The following CACNA2D3 variants were observed in gnomAD, a reference collection of about 807,000 sequenced individuals.
CACNA2D3 encodes voltage-dependent calcium channel subunit alpha-2/delta-3.
Under a neutral mutation model 160.6 loss-of-function variants are expected in CACNA2D3, and 60 were observed. That is an observed-to-expected ratio of 0.37 (90% CI 0.30 to 0.46). CACNA2D3 has a LOEUF of 0.46. Ranked by LOEUF, CACNA2D3 falls within the 20% of genes least tolerant of loss-of-function variation. The probability of loss-of-function intolerance (pLI) is 1.00; values close to 1 mark genes in which losing one functional copy is unlikely to be tolerated. For missense variants in CACNA2D3, 1,205 were observed against 1,365.0 expected, an observed-to-expected ratio of 0.88 and a Z score of 1.85; for synonymous variants, 558 against 492.9, an observed-to-expected ratio of 1.13 and a Z score of -1.75.
chr3:54,123,624 G>C (rs1364307494), intron 2 of CACNA2D3, 30 bp downstream of exon 2: 1 of 1,566,484 alleles, frequency 6.4e-7, no homozygotes, highest in African/African-American at 1.4e-5. Flanking sequence ...AGGAAGCGAT[G>C]ATTTTTCCGG....
intron 2 of CACNA2D3, among the ~76,000 whole-genome samples, chr3:54,159,265 C>T (rs943685735): frequency 2.0e-5 from 3 of 152,192 alleles, no homozygotes; most frequent in East Asian, 1.9e-4. Flanking sequence ...CTGATATTAA[C>T]GTGGTCATTT....
chr3:54,501,101 G>A (rs1701287300), intron 4 of CACNA2D3, among the ~76,000 whole-genome samples: 1 of 152,136 alleles, frequency 6.6e-6, no homozygotes, highest in Non-Finnish European at 1.5e-5. Flanking sequence ...GTCAATCCCT[G>A]TTATAAGGAC....
At chr3:54,329,742 A>G (rs533608867) in intron 3 of CACNA2D3, among the ~76,000 whole-genome samples, 3 of 152,272 alleles carry the variant, frequency 2.0e-5, no homozygotes, top group Admixed American at 2.0e-4. Flanking sequence ...GACAGAAGAA[A>G]GCCATAATAA....
At chr3:54,939,805 C>G (rs1182808291) in intron 27 of CACNA2D3, among the ~76,000 whole-genome samples, 1 of 152,208 alleles carries the variant, frequency 6.6e-6, no homozygotes, top group Non-Finnish European at 1.5e-5. Context: ...TTTTGTGGGC[C>G]TGCTCCTGCC....
chr3:54,843,815 A>T (rs1698874334), intron 16 of CACNA2D3, among the ~76,000 whole-genome samples: 3 of 152,218 alleles, frequency 2.0e-5, no homozygotes, highest in African/African-American at 7.2e-5. Context: ...GTAGGATTTC[A>T]TACTACTGAT....
intron 14 of CACNA2D3, among the ~76,000 whole-genome samples, chr3:54,829,136 G>A (rs1703812416): frequency 6.6e-6 from 1 of 152,164 alleles, no homozygotes; most frequent in Admixed American, 6.5e-5. Flanking sequence ...AGCCAAGTAG[G>A]CAGAATCAAT....
chr3:55,020,625 G>A (rs1054277460), intron 35 of CACNA2D3, among the ~76,000 whole-genome samples: 4 of 151,946 alleles, frequency 2.6e-5, no homozygotes, highest in African/African-American at 9.7e-5. Context: ...CAAGGCGGGT[G>A]TATCACCTGA....
chr3:54,530,643 A>G (rs999997511), intron 5 of CACNA2D3, among the ~76,000 whole-genome samples: 4 of 152,158 alleles, frequency 2.6e-5, no homozygotes, highest in Non-Finnish European at 4.4e-5. Flanking sequence ...TAAATATATT[A>G]TCTCCTTCAG....
chr3:54,832,860 T>G (rs1191024545), intron 14 of CACNA2D3, among the ~76,000 whole-genome samples: 1 of 152,142 alleles, frequency 6.6e-6, no homozygotes, highest in African/African-American at 2.4e-5. Context: ...GAGTGTTTAT[T>G]AAGGAAATCA....
intron 11 of CACNA2D3, among the ~76,000 whole-genome samples, chr3:54,672,113 A>G (rs1700173720): frequency 6.6e-6 from 1 of 152,216 alleles, no homozygotes; most frequent in Admixed American, 6.5e-5. Flanking sequence ...GCATGTGAGT[A>G]TCAGGAGACC....
intron 4 of CACNA2D3, among the ~76,000 whole-genome samples, chr3:54,485,207 A>T (rs1287265442): frequency 6.6e-6 from 1 of 152,186 alleles, no homozygotes; most frequent in Non-Finnish European, 1.5e-5. Context: ...AAAAATATGG[A>T]TTTGCCGTAG....
chr3:54,801,845 T>C (rs1474196138), intron 13 of CACNA2D3, among the ~76,000 whole-genome samples: 2 of 152,100 alleles, frequency 1.3e-5, no homozygotes, highest in Non-Finnish European at 2.9e-5. Context: ...AAACTAGAGA[T>C]TGAGAAATCA....
chr3:54,175,613 C>CA (rs1163953295), intron 2 of CACNA2D3, among the ~76,000 whole-genome samples: 7,334 of 90,092 alleles, frequency 0.081, 379 homozygotes, highest in African/African-American at 0.095. Context: ...GACTCTGTCT[C>CA]AAAAAAAAAA....
rs114990794 is a variant in CACNA2D3, at chr3:54,262,119, C to T, written c.205-58323C>T. ...CACTTTAGCACGTTCCCAGAACCCA[C>T]GACAGGCTGTATAATTGCTGGACTG... On this transcript the variant is annotated intron_variant, in intron 2 of 37. Transcript: ENST00000474759. Among the ~76,000 whole-genome samples the T allele has an allele frequency of 3.0e-3, 455 of 152,230 alleles. 1 individual carries two copies. Among genetic ancestry groups the T allele is most frequent in the Non-Finnish European group, 5.6e-3 (380 of 68,020 alleles).
chr3:54,215,441 G>C (rs1444875058), intron 2 of CACNA2D3, among the ~76,000 whole-genome samples: 1 of 152,114 alleles, frequency 6.6e-6, no homozygotes, highest in Non-Finnish European at 1.5e-5. Flanking sequence ...GAATGTGTTC[G>C]TCGTAACTGA....
At chr3:54,582,882 C>T (rs1702700852) in intron 9 of CACNA2D3, among the ~76,000 whole-genome samples, 1 of 152,080 alleles carries the variant, frequency 6.6e-6, no homozygotes, top group African/African-American at 2.4e-5. Context: ...AGTTGGAACA[C>T]AAAGTATAAA....
intron 11 of CACNA2D3, among the ~76,000 whole-genome samples, chr3:54,737,508 C>T (rs896360228): frequency 3.3e-5 from 5 of 152,080 alleles, no homozygotes; most frequent in African/African-American, 1.2e-4. Context: ...TTTTACAAGT[C>T]TAGCCTGGGA....
intron 13 of CACNA2D3, among the ~76,000 whole-genome samples, chr3:54,804,633 A>G (rs1703073289): frequency 6.6e-6 from 1 of 152,158 alleles, no homozygotes; most frequent in East Asian, 1.9e-4. Context: ...TTAATATTAG[A>G]CAGATCAACG....
intron 35 of CACNA2D3, among the ~76,000 whole-genome samples, chr3:55,049,027 A>T (rs534794144): frequency 6.7e-6 from 1 of 149,652 alleles, no homozygotes; most frequent in Non-Finnish European, 1.5e-5. Flanking sequence ...CGGTCTATCA[A>T]TTTTGTTGAT....
Sources: gnomAD v4.1 joint callset for allele counts (sites outside exome capture counted in the v4.1 genomes callset) on GRCh38, gnomAD v4.1.1 for gene constraint, MANE v1.5 for transcripts, NCBI Gene and HGNC (gene_info 2026-07-23, HGNC 2026-07-21) for gene names.